SEPTIN7: variants seen among roughly 807,000 people sequenced by gnomAD.
SEPTIN7 encodes the protein septin 7.
SEPTIN7 carries 10 observed loss-of-function variants against 63.3 expected under a neutral mutation model. The observed-to-expected ratio is 0.16, with a 90% CI of 0.10 to 0.27. The LOEUF is 0.27. SEPTIN7 is among the 10% of genes least tolerant of loss of function. The pLI is 1.00. For missense variants in SEPTIN7, 310 were observed against 521.0 expected, an observed-to-expected ratio of 0.59 and a Z score of 3.94; for synonymous variants, 131 against 165.3, an observed-to-expected ratio of 0.79 and a Z score of 1.59.
chr7:35,847,343 A>C (rs1479004028), intron 3 of SEPTIN7: 4 of 163,086 alleles, frequency 2.5e-5, no homozygotes, highest in Admixed American at 6.0e-5. Context: ...CCCAGCATCC[A>C]TCAGGGGCAA....
chr7:35,851,958 A>T (rs962677952), intron 3 of SEPTIN7, among the ~76,000 whole-genome samples: 1 of 151,922 alleles, frequency 6.6e-6, no homozygotes, highest in African/African-American at 2.4e-5. Context: ...TGCCAACCTT[A>T]CTCTTCTACT....
intron 11 of SEPTIN7, 47 bp downstream of exon 11, chr7:35,890,840 A>G (rs1379003813): frequency 4.4e-6 from 6 of 1,372,384 alleles, no homozygotes; most frequent in Non-Finnish European, 5.7e-6. Flanking sequence ...TCTGTAGTCA[A>G]TAATCATATT....
intron 1 of SEPTIN7, among the ~76,000 whole-genome samples, chr7:35,822,822 T>C (rs1478814667): frequency 1.3e-5 from 2 of 152,228 alleles, no homozygotes; most frequent in African/African-American, 4.8e-5. Context: ...TTAGCAGCAA[T>C]GTTTTCTACC....
At position 35,832,246 on chromosome 7, in the gene SEPTIN7, G is replaced by T. The variant is rs138804691; in HGVS notation, c.67-552G>T. 554 of 352,432 alleles carry T rather than the reference G, an allele frequency of 1.6e-3. 2 individuals are homozygous for T. The highest frequency in any genetic ancestry group is 0.011 in the African/African-American group (496 of 45,366). 21.8% of individuals were successfully genotyped at this position (352,432 alleles called of 1,614,324 possible). A position where few individuals can be genotyped will look rare whatever the true frequency, so the allele number is the denominator to read the frequency against. Reference sequence around the variant, plus strand: ...AAAATTGGACCTGGCATAACAGCTTGAATGATACTGTAGCTGGTTGACACT... The same window carrying T: ...AAAATTGGACCTGGCATAACAGCTTTAATGATACTGTAGCTGGTTGACACT... On this transcript the variant is annotated intron_variant, in intron 2 of 13. Transcript: ENST00000350320.
downstream of SEPTIN7, among the ~76,000 whole-genome samples, chr7:35,908,878 T>C (rs963850077): frequency 1.3e-5 from 2 of 152,250 alleles, no homozygotes; most frequent in African/African-American, 4.8e-5. Context: ...ACAACTTTTT[T>C]ACCCCTCATT....
At chr7:35,883,639 A>G (rs1787041804) in intron 8 of SEPTIN7, among the ~76,000 whole-genome samples, 1 of 150,602 alleles carries the variant, frequency 6.6e-6, no homozygotes, top group African/African-American at 2.4e-5. Flanking sequence ...AAATAATTTG[A>G]CCAGTATATG....
intron 3 of SEPTIN7, among the ~76,000 whole-genome samples, chr7:35,842,913 C>A (rs2115987396): frequency 6.6e-6 from 1 of 152,126 alleles, no homozygotes; most frequent in Non-Finnish European, 1.5e-5. Context: ...ATGTTATACA[C>A]ACACAGACAC....
intron 3 of SEPTIN7, among the ~76,000 whole-genome samples, chr7:35,854,376 C>A (rs535488772): frequency 3.3e-5 from 5 of 152,306 alleles, no homozygotes; most frequent in African/African-American, 1.2e-4. Context: ...AAAAATGCCC[C>A]CCAGGGGACA....
At chr7:35,862,569 T>G (rs1158591972) in intron 3 of SEPTIN7, among the ~76,000 whole-genome samples, 1 of 152,142 alleles carries the variant, frequency 6.6e-6, no homozygotes, top group Non-Finnish European at 1.5e-5. Context: ...CATTTTTGCA[T>G]TTTTACATCT....
At chr7:35,892,342 T>G (rs1197480264) in intron 11 of SEPTIN7, among the ~76,000 whole-genome samples, 1 of 151,816 alleles carries the variant, frequency 6.6e-6, no homozygotes, top group Admixed American at 6.6e-5. Context: ...TTTTTATCTC[T>G]TTTGAGCAAA....
At chr7:35,849,322 A>G (rs1274325096) in intron 3 of SEPTIN7, among the ~76,000 whole-genome samples, 1 of 151,772 alleles carries the variant, frequency 6.6e-6, no homozygotes, top group Non-Finnish European at 1.5e-5. Context: ...GTGGGAGGGG[A>G]GCAGGATGGT....
At chr7:35,829,968 A>G (rs886207736) in intron 1 of SEPTIN7, among the ~76,000 whole-genome samples, 12 of 152,096 alleles carry the variant, frequency 7.9e-5, no homozygotes, top group African/African-American at 2.2e-4. Flanking sequence ...CGGGTGGATC[A>G]TGAGGTCAGG....
chr7:35,859,350 T>C (rs1785380023), intron 3 of SEPTIN7, among the ~76,000 whole-genome samples: 1 of 152,196 alleles, frequency 6.6e-6, no homozygotes, highest in Admixed American at 6.5e-5. Context: ...TGTTTTATTA[T>C]AATGGGAAAA....
At chr7:35,893,890 G>A in intron 11 of SEPTIN7, among the ~76,000 whole-genome samples, 1 of 152,120 alleles carries the variant, frequency 6.6e-6, no homozygotes, top group East Asian at 1.9e-4. Flanking sequence ...AGAAGTGGAT[G>A]CTGTTCTTAG....
At chr7:35,860,979 A>G (rs952654820) in intron 3 of SEPTIN7, among the ~76,000 whole-genome samples, 1 of 152,086 alleles carries the variant, frequency 6.6e-6, no homozygotes, top group African/African-American at 2.4e-5. Context: ...GATTTATTTC[A>G]TAATCTCTTG....
intron 10 of SEPTIN7, among the ~76,000 whole-genome samples, chr7:35,887,984 G>T (rs1787371372): frequency 6.6e-6 from 1 of 152,126 alleles, no homozygotes; most frequent in African/African-American, 2.4e-5. Context: ...TAAGAAAGAG[G>T]CAAGTTCAAA....
chr7:35,811,310 G>A (rs1475563057), intron 1 of SEPTIN7, among the ~76,000 whole-genome samples: 1 of 151,844 alleles, frequency 6.6e-6, no homozygotes, highest in Non-Finnish European at 1.5e-5. Flanking sequence ...AGAAACTAAT[G>A]TTCTCTCAAA....
In SEPTIN7 at chr7:35,906,342, C is replaced by T. The variant is rs1013761461; in HGVS notation, c.*2049C>T. On this transcript the variant is annotated 3_prime_UTR_variant, in exon 14 of 14. Coordinates refer to ENST00000350320, the MANE Select transcript of SEPTIN7 (RefSeq NM_001788.6). ...CAGGATCTATATAACTTTACTAGGA[C>T]TTTTGATTGTTGACTCCAGGCTTAG... The T allele has an allele frequency of 6.6e-6, 1 of 152,148 alleles. No homozygotes were observed. The highest frequency in any genetic ancestry group is 1.5e-5 in the Non-Finnish European group (1 of 68,018). 9.4% of individuals were successfully genotyped at this position (152,148 alleles called of 1,614,324 possible).
At position 35,839,561 on chromosome 7, in the gene SEPTIN7, A is replaced by ATGTTATGT. The variant is rs1554280688; in HGVS notation, c.169+6667_169+6668insGTTGTTAT. Among the ~76,000 whole-genome samples the ATGTTATGT allele has an allele frequency of 3.4e-5, 5 of 148,150 alleles. No homozygotes were observed. The East Asian group carries it at 9.7e-4, about 29-fold the overall frequency. On this transcript the variant is annotated intron_variant, in intron 3 of 13. Coordinates refer to ENST00000350320, the MANE Select transcript of SEPTIN7 (RefSeq NM_001788.6). ...ATGTTATGTTATGTTATGTTATGTT[A>ATGTTATGT]TGTTATTTTTGAGACAGAGTCTTGC...
Sources: allele counts gnomAD v4.1 joint callset (sites outside exome capture counted in the v4.1 genomes callset), GRCh38; gene constraint gnomAD v4.1.1; transcripts MANE v1.5; gene names NCBI Gene and HGNC (gene_info 2026-07-23, HGNC 2026-07-21).